The following ARSG variants were observed in gnomAD, a reference collection of about 807,000 sequenced individuals.
ARSG encodes the protein arylsulfatase G.
In ARSG, 37 loss-of-function variants were observed where a neutral mutation model predicts 50.5. That is an observed-to-expected ratio of 0.73 (90% confidence interval 0.56 to 0.96). The LOEUF (loss-of-function observed/expected upper bound fraction) is 0.96. Ranked by LOEUF, ARSG falls within the 50% of genes least tolerant of loss-of-function variation. The probability of loss-of-function intolerance (pLI) is 0.00; values close to 1 mark genes in which losing one functional copy is unlikely to be tolerated. For missense variants in ARSG, 629 were observed against 675.3 expected, an observed-to-expected ratio of 0.93 and a Z score of 0.76; for synonymous variants, 225 against 254.6, an observed-to-expected ratio of 0.88 and a Z score of 1.11.
At chr17:68,353,299 G>A (rs1010630636) in intron 5 of ARSG, among the ~76,000 whole-genome samples, 1 of 152,018 alleles carries the variant, frequency 6.6e-6, no homozygotes, top group Non-Finnish European at 1.5e-5. Context: ...TCCAATCCAG[G>A]TCTCTCTGAG....
chr17:68,348,626 C>T (rs1314609772), intron 4 of ARSG, among the ~76,000 whole-genome samples: 2 of 152,228 alleles, frequency 1.3e-5, no homozygotes, highest in Admixed American at 1.3e-4. Flanking sequence ...GGCATGATCT[C>T]GGCTCACTGC....
At chr17:68,385,417 A>G (rs1306496990) in intron 9 of ARSG, among the ~76,000 whole-genome samples, 2 of 151,102 alleles carry the variant, frequency 1.3e-5, no homozygotes, top group Non-Finnish European at 3.0e-5. Flanking sequence ...TAATCCTAGC[A>G]CTTTGGGAGG....
the ARSG span, chr17:68,430,261 A>G: frequency 8.3e-7 from 1 of 1,208,672 alleles, no homozygotes; most frequent in Non-Finnish European, 1.2e-6. Context: ...TCCCCGCAGC[A>G]GGGAGAGACT....
intron 8 of ARSG, 74 bp from the exon 9 acceptor site, chr17:68,384,990 A>G: frequency 7.9e-7 from 1 of 1,260,154 alleles, no homozygotes; most frequent in Non-Finnish European, 1.1e-6. Context: ...GTTCTCCCAG[A>G]GACTAGCTCT....
chr17:68,447,849 C>T, the ARSG span, among the ~76,000 whole-genome samples: 60 of 151,708 alleles, frequency 4.0e-4, no homozygotes, highest in Non-Finnish European at 7.5e-4. Context: ...AAACATTAGC[C>T]GGGCGTGGTG....
the ARSG span, chr17:68,433,455 G>T: frequency 6.2e-7 from 1 of 1,611,342 alleles, no homozygotes; most frequent in Non-Finnish European, 8.5e-7. Flanking sequence ...TTGGTGCCCC[G>T]CGGAGTACTT....
intron 8 of ARSG, among the ~76,000 whole-genome samples, chr17:68,374,157 C>CA (rs758829709): frequency 0.24 from 14,309 of 60,194 alleles, 1,059 homozygotes; most frequent in East Asian, 0.32. Flanking sequence ...ACTCTGTCTC[C>CA]AAAAAAAAAA....
the ARSG span, among the ~76,000 whole-genome samples, chr17:68,434,886 C>T: frequency 6.6e-6 from 1 of 151,904 alleles, no homozygotes; most frequent in Admixed American, 6.5e-5. Context: ...GTGTGTTCAC[C>T]CAACTGCTCT....
rs535677263 is a variant in ARSG at position 68,402,656 on chromosome 17, C to T, written c.1303+1206C>T. Among the ~76,000 whole-genome samples the T allele has an allele frequency of 1.2e-3, 187 of 152,184 alleles. 1 individual carries two copies. Among genetic ancestry groups the T allele is most frequent in the African/African-American group, 4.3e-3 (179 of 41,518 alleles). On this transcript the variant is annotated intron_variant, in intron 11 of 11. Transcript: ENST00000621439. ...TCTCCTGCCTCAGCCTCCCGAGTAG[C>T]TGGGACTACAGGTGCCCGCCACCTC...
rs1568506321 is a variant in ARSG, at chr17:68,352,063, G to GGAGAGAGAGAGAGAGAGAGACAGAGGAGA, written c.566+398_566+426dup. 5.7e-5 allele frequency among the ~76,000 whole-genome samples: 8 copies of GGAGAGAGAGAGAGAGAGAGACAGAGGAGA among 141,400 alleles called. 1 individual carries two copies. Among genetic ancestry groups the GGAGAGAGAGAGAGAGAGAGACAGAGGAGA allele is most frequent in the Non-Finnish European group, 9.2e-5 (6 of 65,500 alleles). The allele number at this position is 141,400 out of a possible 152,430, so 92.8% of individuals were successfully genotyped here. A position where few individuals can be genotyped will look rare whatever the true frequency, so the allele number is the denominator to read the frequency against. On this transcript the variant is annotated intron_variant, in intron 5 of 11. Coordinates refer to ENST00000621439, the MANE Select transcript of ARSG (RefSeq NM_001267727.2). The stretch of plus-strand genomic sequence containing the variant: ...GGAGAGAGCAGAGGAGAGAGACAGA[G>GGAGAGAGAGAGAGAGAGAGACAGAGGAGA]GAGAGAGAGAGAGAGAGAGACAGAG...
At chr17:68,290,854 G>A (rs561821246), upstream of ARSG, among the ~76,000 whole-genome samples, 39 of 152,296 alleles carry the variant, frequency 2.6e-4, no homozygotes, top group African/African-American at 9.1e-4. Flanking sequence ...CAGGGTCACG[G>A]ACATTCAACT....
chr17:68,320,358 A>G (rs1227409527), intron 2 of ARSG, among the ~76,000 whole-genome samples: 2 of 152,148 alleles, frequency 1.3e-5, no homozygotes, highest in Non-Finnish European at 1.5e-5. Flanking sequence ...AGCAAAGTCA[A>G]GAGGTCATGA....
chr17:68,341,051 T>G (rs888325997), intron 2 of ARSG, among the ~76,000 whole-genome samples: 3 of 152,226 alleles, frequency 2.0e-5, no homozygotes, highest in Admixed American at 2.0e-4. Flanking sequence ...TTCAAAATCC[T>G]GAACCCAATA....
rs147508629 is a variant in ARSG at position 68,420,376 on chromosome 17, C to T, written c.1491C>T (p.Asn497=). 1.7e-5 allele frequency: 28 copies of T among 1,614,200 alleles called. No individual in the cohort carries two copies. The African/African-American group carries it at 3.5e-4, about 20-fold the overall frequency. Reference sequence around the variant, plus strand: ...TCCTCCAAGACATTGCCAACGACAACATCTCCAGCGCAGATTACACTCAGG... The same window carrying T: ...TCCTCCAAGACATTGCCAACGACAATATCTCCAGCGCAGATTACACTCAGG... The part of the protein sequence containing the change: ...ADVLQDIAND[N]ISSADYTQDP... Residue 497 remains asparagine (N), a synonymous_variant, in exon 12 of 12, where the codon AAC becomes AAT. Coordinates refer to ENST00000621439, the MANE Select transcript of ARSG (RefSeq NM_001267727.2).
chr17:68,451,025 C>T, the ARSG span: 1 of 1,305,750 alleles, frequency 7.7e-7, no homozygotes, highest in African/African-American at 1.5e-5. Context: ...GCCAGGCGCC[C>T]TCTCTGAGCT....
At chr17:68,312,991 G>A (rs2076925205) in intron 2 of ARSG, among the ~76,000 whole-genome samples, 1 of 152,212 alleles carries the variant, frequency 6.6e-6, no homozygotes, top group South Asian at 2.1e-4. Flanking sequence ...GCCAGGCACA[G>A]TGGCTCACAC....
chr17:68,289,888 G>GT, upstream of ARSG, among the ~76,000 whole-genome samples: 1 of 152,256 alleles, frequency 6.6e-6, no homozygotes, highest in Middle Eastern at 3.4e-3. Flanking sequence ...TTTACACACT[G>GT]TAAGTTCCTA....
Position 68,324,306 on chromosome 17 carries a change from G to T in ARSG, c.218+16595G>T, listed in dbSNP as rs1019798900. Among the ~76,000 whole-genome samples the T allele has an allele frequency of 2.3e-4, 35 of 152,120 alleles. 1 individual carries two copies. Among genetic ancestry groups the T allele is most frequent in the Admixed American group, 2.3e-3 (35 of 15,258 alleles). On this transcript the variant is annotated intron_variant, in intron 2 of 11. Transcript: ENST00000621439. Reference sequence around the variant, plus strand: ...CATCCTTGGAAGTCAGATGGGTCGTGGGCATTCCTGCCTCTTTCTTGGGCT... The same window carrying T: ...CATCCTTGGAAGTCAGATGGGTCGTTGGCATTCCTGCCTCTTTCTTGGGCT...
the ARSG span, among the ~76,000 whole-genome samples, chr17:68,442,544 G>A: frequency 6.6e-6 from 1 of 152,018 alleles, no homozygotes; most frequent in African/African-American, 2.4e-5. Flanking sequence ...TCCTCTGGGG[G>A]TCAAGTGTGC....
Sources: allele counts gnomAD v4.1 joint callset (sites outside exome capture counted in the v4.1 genomes callset), GRCh38; gene constraint gnomAD v4.1.1; transcripts MANE v1.5; gene names NCBI Gene and HGNC (gene_info 2026-07-23, HGNC 2026-07-21).